The following SWI5 variants were observed in gnomAD, a reference collection of about 807,000 sequenced individuals.
SWI5 encodes the protein DNA repair protein SWI5 homolog.
SWI5 carries 12 observed loss-of-function variants against 17.0 expected under a neutral mutation model. The ratio of observed to expected loss-of-function variants is 0.71; its 90% CI spans 0.45 to 1.14. The LOEUF (loss-of-function observed/expected upper bound fraction) is 1.14. SWI5 is among the 50% of genes most tolerant of loss of function. SWI5 has a pLI of 0.00. For synonymous variants in SWI5, 61 were observed against 64.0 expected (o/e 0.95, Z 0.22); for missense variants, 158 against 162.2 (o/e 0.97, Z 0.14).
intron 1 of SWI5, 67 bp from the exon 2 acceptor site, chr9:128,276,640 C>G (rs1831392174): frequency 6.2e-7 from 1 of 1,613,744 alleles, no homozygotes; most frequent in African/African-American, 1.3e-5. Context: ...TCCCGCATCC[C>G]CACAGTACCC....
intron 4 of SWI5, among the ~76,000 whole-genome samples, chr9:128,287,002 G>A (rs2131425418): frequency 6.6e-6 from 1 of 152,080 alleles, no homozygotes; most frequent in East Asian, 1.9e-4. Context: ...AATTAGCCAG[G>A]CATGGTGGCA....
intron 4 of SWI5, chr9:128,286,243 G>A: frequency 1.9e-6 from 1 of 528,954 alleles, no homozygotes; most frequent in Non-Finnish European, 3.4e-6. Context: ...AACCTGCTTT[G>A]GAGCCGCAGC....
intron 2 of SWI5, among the ~76,000 whole-genome samples, chr9:128,284,154 T>C (rs1831590930): frequency 6.6e-6 from 1 of 151,674 alleles, no homozygotes. Flanking sequence ...CCGGGCATGG[T>C]GGCGCATGCC....
chr9:128,286,280 G>A, intron 4 of SWI5: 1 of 474,176 alleles, frequency 2.1e-6, no homozygotes. Context: ...TTGCCCATCT[G>A]CCAGACTGAG....
intron 2 of SWI5, among the ~76,000 whole-genome samples, chr9:128,280,674 C>T (rs1203720974): frequency 3.3e-5 from 5 of 152,026 alleles, no homozygotes; most frequent in Admixed American, 2.6e-4. Flanking sequence ...CCCGCCACCA[C>T]GCCCAGCTAA....
At chr9:128,282,213 C>T (rs1195242675) in intron 2 of SWI5, among the ~76,000 whole-genome samples, 1 of 152,110 alleles carries the variant, frequency 6.6e-6, no homozygotes, top group East Asian at 1.9e-4. Context: ...ATGGTGAAAC[C>T]TTGTCTCTAC....
At chr9:128,281,758 TGTCGG>T (rs1156745195) in intron 2 of SWI5, among the ~76,000 whole-genome samples, 2 of 152,224 alleles carry the variant, frequency 1.3e-5, no homozygotes, top group African/African-American at 4.8e-5. Flanking sequence ...ATGCATAACT[TGTCGG>T]GTGACGAAAA....
intron 2 of SWI5, among the ~76,000 whole-genome samples, chr9:128,279,267 G>A (rs976959674): frequency 3.3e-5 from 5 of 152,162 alleles, no homozygotes; most frequent in African/African-American, 1.2e-4. Flanking sequence ...CCCCATGTGC[G>A]GAGACAAGAG....
intron 2 of SWI5, among the ~76,000 whole-genome samples, chr9:128,279,823 C>T (rs1399865125): frequency 1.3e-5 from 2 of 152,144 alleles, no homozygotes; most frequent in Admixed American, 1.3e-4. Flanking sequence ...TCACGGTCTG[C>T]TAGGTAACGG....
At chr9:128,276,485 C>T (rs1381696388) in intron 1 of SWI5, 83 bp downstream of exon 1, 2 of 1,581,440 alleles carry the variant, frequency 1.3e-6, no homozygotes, top group African/African-American at 1.4e-5. Flanking sequence ...AAATCACCTC[C>T]AAAGACTCCC....
chr9:128,287,166 C>T (rs1320858965), intron 4 of SWI5, among the ~76,000 whole-genome samples: 5 of 143,838 alleles, frequency 3.5e-5, no homozygotes, highest in African/African-American at 1.1e-4. Flanking sequence ...AAAAAAAGGC[C>T]GGGCTCGCTG....
At chr9:128,276,777 C>T (rs183759410) in intron 2 of SWI5, 22 bp downstream of exon 2, 18 of 1,593,326 alleles carry the variant, frequency 1.1e-5, no homozygotes, top group South Asian at 8.9e-5. Flanking sequence ...TTCCCCCACA[C>T]CCCCTTTCCC....
In SWI5 at chr9:128,276,668, G is replaced by A. The variant is rs748703341; in HGVS notation, c.63-39G>A. The A allele has an allele frequency of 1.3e-5, 21 of 1,613,856 alleles. No homozygotes were observed. The Middle Eastern group carries it at 4.9e-4, about 38-fold the overall frequency. ...CAGTACCCCGTCCTCACAGCGGGCT[G>A]TGGGTCCAATCAGACTTTCCCCTCG... On this transcript the variant is annotated intron_variant, in intron 1 of 4. Transcript: ENST00000418976.
intron 4 of SWI5, among the ~76,000 whole-genome samples, chr9:128,287,584 C>G (rs1417100516): frequency 8.5e-6 from 1 of 117,246 alleles, no homozygotes; most frequent in African/African-American, 3.4e-5. Context: ...TTTCGTTAGA[C>G]TGGGTCTCAC....
At chr9:128,275,443 C>T (rs1831263791), upstream of SWI5, 1 of 1,300,284 alleles carries the variant, frequency 7.7e-7, no homozygotes, top group Admixed American at 3.9e-5. Context: ...GACCCAGGTC[C>T]TTGGAGACCC....
chr9:128,287,321 T>C (rs1831658820), intron 4 of SWI5, among the ~76,000 whole-genome samples: 1 of 150,872 alleles, frequency 6.6e-6, no homozygotes, highest in African/African-American at 2.4e-5. Context: ...GGCACATGCC[T>C]GTAATCCCAG....
rs1831615532 is a variant in SWI5, at chr9:128,285,164, A to G, written c.233+533A>G. Among the ~76,000 whole-genome samples the G allele has an allele frequency of 6.6e-6, 1 of 151,594 alleles. No homozygotes were observed. Among genetic ancestry groups the G allele is most frequent in the Non-Finnish European group, 1.5e-5 (1 of 67,882 alleles). The stretch of plus-strand genomic sequence containing the variant: ...CCTGGCTACAGAGCGAGACTTGGTA[A>G]AGAAAGAGAAAGAGGGCGAGAGGGA... On this transcript the variant is annotated intron_variant, in intron 3 of 4. Transcript: ENST00000418976. This position sits in a 1 kb window ranked among gnomAD's most constrained non-coding sequence, Gnocchi z 4.8.
chr9:128,276,179 C>T, upstream of SWI5: 3 of 1,580,386 alleles, frequency 1.9e-6, no homozygotes, highest in African/African-American at 1.4e-5. Context: ...CCTGTGGCGT[C>T]ACAACAAAAG....
chr9:128,288,380 G>A (rs1370578602), intron 4 of SWI5, among the ~76,000 whole-genome samples: 1 of 152,346 alleles, frequency 6.6e-6, no homozygotes, highest in East Asian at 1.9e-4. Flanking sequence ...AATGGGGTGA[G>A]GGTCCAAGGA....
Sources: gnomAD v4.1 joint callset for allele counts (sites outside exome capture counted in the v4.1 genomes callset) on GRCh38, gnomAD v4.1.1 for gene constraint, Gnocchi (gnomAD v3.1) non-coding constraint, MANE v1.5 for transcripts, NCBI Gene and HGNC (gene_info 2026-07-23, HGNC 2026-07-21) for gene names.